The following BFSP1 variants were observed in gnomAD, a reference collection of about 807,000 sequenced individuals.
BFSP1 encodes the protein beaded filament structural protein 1, also known as filensin.
A neutral mutation model predicts 43.9 loss-of-function variants in BFSP1; 38 were observed. The ratio of observed to expected loss-of-function variants is 0.87; its 90% confidence interval spans 0.67 to 1.14. The LOEUF is 1.14. Ranked by LOEUF, BFSP1 falls within the 50% of genes most tolerant of loss-of-function variation. BFSP1 has a pLI of 0.00. For missense variants in BFSP1, 850 were observed against 875.1 expected (o/e 0.97, Z 0.36); for synonymous variants, 352 against 354.8 (o/e 0.99, Z 0.09).
chr20:17,529,751 C>T (rs535374702), intron 1 of BFSP1, among the ~76,000 whole-genome samples: 1 of 152,176 alleles, frequency 6.6e-6, no homozygotes, highest in South Asian at 2.1e-4. Context: ...TGCCATTGCA[C>T]ACCTGCTGGA....
upstream of BFSP1, among the ~76,000 whole-genome samples, chr20:17,536,080 A>G (rs1470046379): frequency 6.6e-6 from 1 of 152,148 alleles, no homozygotes; most frequent in Non-Finnish European, 1.5e-5. Context: ...ACCTGGCCCC[A>G]CCAAACAATT....
chr20:17,561,413 C>T (rs777511908), upstream of BFSP1, among the ~76,000 whole-genome samples: 2 of 151,902 alleles, frequency 1.3e-5, no homozygotes, highest in East Asian at 1.9e-4. Flanking sequence ...GCAGGAGAAT[C>T]GCTTGGACCC....
intron 5 of BFSP1, among the ~76,000 whole-genome samples, chr20:17,500,972 GGGTGT>G (rs1372793760): frequency 6.6e-6 from 1 of 152,174 alleles, no homozygotes; most frequent in African/African-American, 2.4e-5. Context: ...AACCACCTGA[GGGTGT>G]TAAGAGTCTG....
At chr20:17,506,570 C>G (rs1486665295) in intron 5 of BFSP1, among the ~76,000 whole-genome samples, 1 of 148,822 alleles carries the variant, frequency 6.7e-6, no homozygotes, top group Non-Finnish European at 1.5e-5. Flanking sequence ...GTTGCCCAGG[C>G]TGGAGTGCAG....
intron 1 of BFSP1, among the ~76,000 whole-genome samples, chr20:17,544,054 G>A (rs886394897): frequency 1.1e-4 from 16 of 152,130 alleles, no homozygotes; most frequent in East Asian, 1.9e-4. Context: ...AGCCAACTCC[G>A]TGGCAAGGAT....
intron 1 of BFSP1, among the ~76,000 whole-genome samples, chr20:17,529,520 CTG>C (rs374848349): frequency 7.4e-5 from 11 of 149,354 alleles, no homozygotes; most frequent in Non-Finnish European, 1.3e-4. Context: ...GTGTGTGTGT[CTG>C]TGTGTGTGTG....
intron 3 of BFSP1, 38 bp from the exon 4 acceptor site, chr20:17,512,106 G>T: frequency 6.5e-7 from 1 of 1,532,590 alleles, no homozygotes; most frequent in Non-Finnish European, 9.0e-7. Context: ...TATAAGTTGA[G>T]CTGCGCTGGT....
intron 5 of BFSP1, among the ~76,000 whole-genome samples, chr20:17,501,002 G>C (rs535483259): frequency 3.9e-5 from 6 of 152,158 alleles, no homozygotes; most frequent in Non-Finnish European, 8.8e-5. Flanking sequence ...AGCAGGGATG[G>C]GGGGCCGGAG....
In BFSP1 at chr20:17,547,939, G is replaced by A. The variant is rs566908762; in HGVS notation, c.2+10749C>T. Among the ~76,000 whole-genome samples the A allele has an allele frequency of 1.7e-3, 235 of 139,346 alleles. 2 individuals carry two copies. Among genetic ancestry groups the A allele is most frequent in the African/African-American group, 5.9e-3 (219 of 37,164 alleles). 91.4% of individuals were successfully genotyped at this position (139,346 alleles called of 152,430 possible). A position where few individuals can be genotyped will look rare whatever the true frequency, so the allele number is the denominator to read the frequency against. ...TTTTTTGTATTTTTAGTAGAGACAG[G>A]GGTTTCACCATCTTGGCCAGGTTGG... On this transcript the variant is annotated intron_variant, in intron 1 of 7. Transcript: ENST00000377868.
At chr20:17,558,763 G>C (rs2035036418) in exon 1 of BFSP1, 1 of 1,546,390 alleles carries the variant, frequency 6.5e-7, no homozygotes, top group Non-Finnish European at 8.7e-7. Flanking sequence ...TGTGCTGCCT[G>C]CTGCCTGAGG....
intron 5 of BFSP1, among the ~76,000 whole-genome samples, chr20:17,504,505 A>AG (rs1232940030): frequency 6.6e-6 from 1 of 152,144 alleles, no homozygotes; most frequent in Non-Finnish European, 1.5e-5. Context: ...GCAGTCCAGC[A>AG]GGGGAGGCAC....
Position 17,507,794 on chromosome 20 carries a change from C to T in BFSP1, c.735+1095G>A, listed in dbSNP as rs2033975868. On this transcript the variant is annotated intron_variant, in intron 5 of 7. Coordinates refer to ENST00000377873, the MANE Select transcript of BFSP1 (RefSeq NM_001195.5). The surrounding 1 kb of genome is among the most constrained non-coding windows in gnomAD (Gnocchi z 4.4). ...CACAAGAAGGAGGAGTTTTAAGTGCCTTACTTGGTTCCTCCTGCTGCGATC... is the reference window on the plus strand; with the variant it reads ...CACAAGAAGGAGGAGTTTTAAGTGCTTTACTTGGTTCCTCCTGCTGCGATC... 6.6e-6 allele frequency among the ~76,000 whole-genome samples: 1 copy of T among 152,172 alleles called. No homozygotes were observed. The highest frequency in any genetic ancestry group is 6.5e-5 in the Admixed American group (1 of 15,278).
At chr20:17,538,833 T>C (rs2034670929) in intron 1 of BFSP1, among the ~76,000 whole-genome samples, 1 of 152,188 alleles carries the variant, frequency 6.6e-6, no homozygotes, top group African/African-American at 2.4e-5. Flanking sequence ...AATCTAGCCA[T>C]GGTATTCATA....
intron 1 of BFSP1, among the ~76,000 whole-genome samples, chr20:17,566,147 T>G (rs1369992771): frequency 2.1e-5 from 3 of 145,944 alleles, no homozygotes; most frequent in African/African-American, 7.5e-5. Context: ...AAAAGACTAC[T>G]GACATAAATA....
chr20:17,508,993 TCTC>T lies in BFSP1; in HGVS notation c.628_630del (p.Glu210del), dbSNP rs1414186960. The T allele has an allele frequency of 6.4e-7, 1 of 1,574,676 alleles. No homozygotes were observed. On this transcript the variant is annotated inframe_deletion and splice_region_variant, in exon 5 of 8. Coordinates refer to ENST00000377873, the MANE Select transcript of BFSP1 (RefSeq NM_001195.5). ...GCCACCTCCCGCTCCGTCAGGAGCT[TCTC>T]CTGCACAGAGAAGGCCAGAGTCAGA...
In BFSP1 at chr20:17,531,373, C is replaced by A. The variant is rs1170091797; in HGVS notation, c.-44G>T. 3.0e-6 allele frequency: 4 copies of A among 1,313,490 alleles called. No homozygotes were observed. The highest frequency in any genetic ancestry group is 6.5e-5 in the East Asian group (2 of 30,970). 81.4% of individuals were successfully genotyped at this position (1,313,490 alleles called of 1,614,324 possible). On this transcript the variant is annotated 5_prime_UTR_variant, in exon 1 of 8. Coordinates refer to ENST00000377873, the MANE Select transcript of BFSP1 (RefSeq NM_001195.5). ...GCGCGGGCGGCGCCGAGCCGGCTCT[C>A]CAGGAGGCCCCCGGCGCAGCCCGCA... is the stretch of plus-strand genomic sequence containing the variant.
chr20:17,501,648 G>A (rs960334409), intron 5 of BFSP1, among the ~76,000 whole-genome samples: 1 of 152,020 alleles, frequency 6.6e-6, no homozygotes, highest in Non-Finnish European at 1.5e-5. Context: ...TGCATTAGAA[G>A]GGAGGAGGAA....
At chr20:17,515,719 T>G (rs2034184341) in intron 2 of BFSP1, among the ~76,000 whole-genome samples, 4 of 152,202 alleles carry the variant, frequency 2.6e-5, no homozygotes, top group Admixed American at 2.6e-4. Context: ...GAGCATTACT[T>G]GGGTTCATCA....
intron 2 of BFSP1, among the ~76,000 whole-genome samples, chr20:17,521,268 G>T (rs972402435): frequency 1.3e-5 from 2 of 152,212 alleles, no homozygotes; most frequent in Non-Finnish European, 2.9e-5. Context: ...GCACAGCAAA[G>T]AGTGGCCTAC....
Sources: gnomAD v4.1 joint callset for allele counts (sites outside exome capture counted in the v4.1 genomes callset) on GRCh38, gnomAD v4.1.1 for gene constraint, Gnocchi (gnomAD v3.1) non-coding constraint, MANE v1.5 for transcripts, NCBI Gene and HGNC (gene_info 2026-07-23, HGNC 2026-07-21) for gene names.